ADAM12: variants seen among roughly 807,000 people sequenced by gnomAD.
ADAM12 encodes disintegrin and metalloproteinase domain-containing protein 12.
Under a neutral mutation model 106.4 loss-of-function variants are expected in ADAM12, and 70 were observed. That is an observed-to-expected ratio of 0.66 (90% CI 0.54 to 0.80). ADAM12 has a LOEUF of 0.80. ADAM12 is among the 30% of genes least tolerant of loss of function. ADAM12 has a pLI of 0.00. For synonymous variants in ADAM12, 420 were observed against 433.5 expected, an observed-to-expected ratio of 0.97 and a Z score of 0.39; for missense variants, 1,010 against 1,171.9, an observed-to-expected ratio of 0.86 and a Z score of 2.02.
chr10:126,136,673 G>C (rs1956411173), intron 4 of ADAM12, among the ~76,000 whole-genome samples: 1 of 152,144 alleles, frequency 6.6e-6, no homozygotes, highest in Non-Finnish European at 1.5e-5. Flanking sequence ...AAAAGCACCA[G>C]ATGCAATTGA....
At chr10:126,387,863 T>C (rs1169191688) in intron 1 of ADAM12, among the ~76,000 whole-genome samples, 195 bp downstream of exon 1, 1 of 139,524 alleles carries the variant, frequency 7.2e-6, no homozygotes, top group African/African-American at 2.7e-5. Context: ...GGGCCAAGTG[T>C]CGCCCTTCCC....
At chr10:126,036,407 C>A in intron 20 of ADAM12, 82 bp from the exon 21 acceptor site, 1 of 1,435,582 alleles carries the variant, frequency 7.0e-7, no homozygotes, top group Non-Finnish European at 9.3e-7. Flanking sequence ...AGTGCTAACT[C>A]ATCTGTTATA....
At chr10:126,237,316 TAGAG>T (rs1189787132) in intron 3 of ADAM12, among the ~76,000 whole-genome samples, 2 of 152,156 alleles carry the variant, frequency 1.3e-5, no homozygotes, top group East Asian at 1.9e-4. Context: ...AATAGGGAAA[TAGAG>T]AGGACTTCTA....
At chr10:126,364,560 G>A (rs10751547) in intron 1 of ADAM12, among the ~76,000 whole-genome samples, 104,632 of 151,880 alleles carry the variant, frequency 0.69, 36,317 homozygotes, top group African/African-American at 0.75. Context: ...AATGACAAGG[G>A]AAGAAAAATA....
chr10:126,084,250 A>G (rs1955291799), intron 11 of ADAM12, among the ~76,000 whole-genome samples: 1 of 152,188 alleles, frequency 6.6e-6, no homozygotes, highest in African/African-American at 2.4e-5. Flanking sequence ...CAGAAAGTGG[A>G]CTTTTCACTT....
intron 3 of ADAM12, among the ~76,000 whole-genome samples, chr10:126,216,580 C>A (rs1316067392): frequency 6.6e-6 from 1 of 152,238 alleles, no homozygotes; most frequent in African/African-American, 2.4e-5. Flanking sequence ...AAGGGCTTAT[C>A]CTCCGGGATC....
chr10:126,297,471 G>A (rs1960433032), intron 2 of ADAM12, among the ~76,000 whole-genome samples: 1 of 152,174 alleles, frequency 6.6e-6, no homozygotes. Flanking sequence ...GATCACTTGA[G>A]CTCAAGAGTT....
chr10:126,098,071 C>G (rs1219733752), intron 10 of ADAM12, among the ~76,000 whole-genome samples: 1 of 152,190 alleles, frequency 6.6e-6, no homozygotes, highest in Admixed American at 6.5e-5. Flanking sequence ...ACAGGGCGTC[C>G]CAACAGCTGC....
At chr10:126,121,113 A>ATATATGG (rs1554971942) in intron 5 of ADAM12, among the ~76,000 whole-genome samples, 1,172 of 84,476 alleles carry the variant, frequency 0.014, 54 homozygotes, top group African/African-American at 0.058. Context: ...TATATATAGT[A>ATATATGG]TATATATAGT....
rs548094067 is a variant in ADAM12 at position 126,027,962 on chromosome 10, C to A, written c.2530-8137G>T. On this transcript the variant is annotated intron_variant, in intron 21 of 22. Transcript: ENST00000448723. ...TATCTTGAAAACCCCATTGTCTTAG[C>A]CCAAAAGCTTCTTGAGCAATTTCAA... is the stretch of plus-strand genomic sequence containing the variant. Among the ~76,000 whole-genome samples, 3 of 152,262 alleles carry A rather than the reference C, an allele frequency of 2.0e-5. No homozygotes were observed. The East Asian group carries it at 5.8e-4, about 29-fold the overall frequency.
intron 1 of ADAM12, among the ~76,000 whole-genome samples, chr10:126,363,883 T>C (rs1018847079): frequency 3.9e-5 from 6 of 152,166 alleles, no homozygotes; most frequent in African/African-American, 1.4e-4. Context: ...TCCTTCCTAA[T>C]ATAGATGCAA....
intron 3 of ADAM12, among the ~76,000 whole-genome samples, chr10:126,217,297 C>G (rs1958004800): frequency 6.7e-6 from 1 of 149,740 alleles, no homozygotes; most frequent in African/African-American, 2.5e-5. Flanking sequence ...TAGCTTTCTA[C>G]AAGGAAGAAA....
At chr10:126,124,724 T>C (rs1956171197) in intron 5 of ADAM12, among the ~76,000 whole-genome samples, 1 of 151,664 alleles carries the variant, frequency 6.6e-6, no homozygotes, top group East Asian at 1.9e-4. Flanking sequence ...GAAACCCCAT[T>C]CCTACTGAAA....
chr10:126,056,607 T>C (rs896709251), intron 14 of ADAM12, among the ~76,000 whole-genome samples: 17 of 119,956 alleles, frequency 1.4e-4, no homozygotes, highest in African/African-American at 5.0e-4. Context: ...AGCAGAGCCC[T>C]GTTTACAATG....
intron 3 of ADAM12, among the ~76,000 whole-genome samples, chr10:126,264,413 C>T (rs1175990249): frequency 6.6e-6 from 1 of 152,174 alleles, no homozygotes; most frequent in African/African-American, 2.4e-5. Context: ...CCTGTGGGGG[C>T]TTGGTTTTGT....
At chr10:126,165,087 C>T (rs1957000384) in intron 3 of ADAM12, among the ~76,000 whole-genome samples, 1 of 152,218 alleles carries the variant, frequency 6.6e-6, no homozygotes. Flanking sequence ...CGGCCACCAC[C>T]CTCAATGCCT....
chr10:126,067,705 A>G (rs1185788189), intron 12 of ADAM12, among the ~76,000 whole-genome samples: 2 of 152,378 alleles, frequency 1.3e-5, no homozygotes, highest in East Asian at 3.9e-4. Flanking sequence ...TGTAATTATC[A>G]TAAGATGGAA....
Position 126,322,105 on chromosome 10 carries a change from G to T in ADAM12, c.186+8307C>A, listed in dbSNP as rs145999181. Among the ~76,000 whole-genome samples, 1,027 of 152,270 alleles carry T rather than the reference G, an allele frequency of 6.7e-3. 11 individuals are homozygous for T. Among genetic ancestry groups the T allele is most frequent in the African/African-American group, 0.02 (828 of 41,548 alleles). On this transcript the variant is annotated intron_variant, in intron 2 of 22. Coordinates refer to ENST00000448723, the MANE Select transcript of ADAM12 (RefSeq NM_001288973.2). ...TTCATATTCTAAAATTGTTTAAAAA[G>T]ATTTTTCATGACACATGAAAATGAT...
At chr10:126,113,670 AAAAAAAAAAAAAAAAAAATATATATAT>A (rs1339740483) in intron 6 of ADAM12, among the ~76,000 whole-genome samples, 10 of 52,350 alleles carry the variant, frequency 1.9e-4, no homozygotes, top group Admixed American at 9.5e-4. Flanking sequence ...AAAAAAAAAA[AAAAAAAAAAAAAAAAAAATATATATAT>A]ATATATATAT....
Sources: allele counts gnomAD v4.1 joint callset (sites outside exome capture counted in the v4.1 genomes callset), GRCh38; gene constraint gnomAD v4.1.1; transcripts MANE v1.5; gene names NCBI Gene and HGNC (gene_info 2026-07-23, HGNC 2026-07-21).